The following ERBB2 variants were observed in gnomAD, a reference collection of about 807,000 sequenced individuals.
The protein encoded by ERBB2 is erb-b2 receptor tyrosine kinase 2.
In ERBB2, 61 loss-of-function variants were observed where a neutral mutation model predicts 149.0. That is an observed-to-expected ratio of 0.41 (90% CI 0.33 to 0.51). The LOEUF is 0.51. ERBB2 is among the 20% of genes least tolerant of loss of function. The probability of loss-of-function intolerance (pLI) is 0.25; values close to 1 mark genes in which losing one functional copy is unlikely to be tolerated. For missense variants in ERBB2, 1,205 were observed against 1,655.1 expected, an observed-to-expected ratio of 0.73 and a Z score of 4.72; for synonymous variants, 633 against 678.8, an observed-to-expected ratio of 0.93 and a Z score of 1.05.
upstream of ERBB2, among the ~76,000 whole-genome samples, chr17:39,697,678 A>C (rs1200941727): frequency 6.7e-6 from 1 of 150,130 alleles, no homozygotes; most frequent in Non-Finnish European, 1.5e-5. Context: ...TTTTCTGTTC[A>C]ATTCCTTTCT....
chr17:39,727,247 C>T lies in ERBB2; in HGVS notation c.3160-48C>T, dbSNP rs1441877751. 1 of 1,605,412 alleles carries T rather than the reference C, an allele frequency of 6.2e-7. No homozygotes were observed. The highest frequency in any genetic ancestry group is 1.7e-5 in the Admixed American group (1 of 57,870). On this transcript the variant is annotated intron_variant, in intron 25 of 26. Coordinates refer to ENST00000269571, the MANE Select transcript of ERBB2 (RefSeq NM_004448.4). This position sits in a 1 kb window ranked among gnomAD's most constrained non-coding sequence, Gnocchi z 4.3. The stretch of plus-strand genomic sequence containing the variant: ...CTGTCACCTTCCATGGAGTCCCCAT[C>T]CCAGATCCGTGAGTGACCCCCATCA...
rs1353432110 is a variant in ERBB2 at position 39,726,410 on chromosome 17, A to C, written c.2873-152A>C. 12 of 636,320 alleles carry C rather than the reference A, an allele frequency of 1.9e-5. No individual in the cohort carries two copies. Among genetic ancestry groups the C allele is most frequent in the Non-Finnish European group, 3.1e-5 (11 of 351,218 alleles). 39.4% of individuals were successfully genotyped at this position (636,320 alleles called of 1,614,324 possible). A position where few individuals can be genotyped will look rare whatever the true frequency, so the allele number is the denominator to read the frequency against. On this transcript the variant is annotated intron_variant, in intron 23 of 26. Coordinates refer to ENST00000269571, the MANE Select transcript of ERBB2 (RefSeq NM_004448.4). This position sits in a 1 kb window ranked among gnomAD's most constrained non-coding sequence, Gnocchi z 5.1. ...AAGAGATGCCAAAGGTTCTGGCTGA[A>C]GACCCCAGAGTCTGGTGCTACTTCT... is the stretch of plus-strand genomic sequence containing the variant.
At position 39,726,611 on chromosome 17, in the gene ERBB2, T is replaced by C. The variant is rs747628943; in HGVS notation, c.2922T>C (p.Ser974=). Reference sequence around the variant, plus strand: ...GGCCAAGATTCCGGGAGTTGGTGTCTGAATTCTCCCGCATGGCCAGGGACC... The same window carrying C: ...GGCCAAGATTCCGGGAGTTGGTGTCCGAATTCTCCCGCATGGCCAGGGACC... ...ECRPRFRELV[S]EFSRMARDPQ... Residue 974 remains serine, a synonymous_variant, in exon 24 of 27, where the codon TCT becomes TCC. Coordinates refer to ENST00000269571, the MANE Select transcript of ERBB2 (RefSeq NM_004448.4). This position sits in a 1 kb window ranked among gnomAD's most constrained non-coding sequence, Gnocchi z 5.1. The C allele has an allele frequency of 5.0e-6, 8 of 1,614,198 alleles. No individual in the cohort carries two copies. In the South Asian group the frequency reaches 8.8e-5, roughly 18 times the overall value.
In ERBB2 at chr17:39,708,544, A is replaced by G. The variant is rs2145448258; in HGVS notation, c.439+10A>G. 6.2e-7 allele frequency: 1 copy of G among 1,609,508 alleles called. No homozygotes were observed. Among genetic ancestry groups the G allele is most frequent in the Non-Finnish European group, 8.5e-7 (1 of 1,176,210 alleles). ...CTTCGAAGCCTCACAGGTGGCCTTC[A>G]CCGTCATTGAAACCTTCTCTTGGTT... On this transcript the variant is annotated intron_variant, in intron 3 of 26. Transcript: ENST00000269571.
At chr17:39,697,021 G>A (rs945738198), upstream of ERBB2, among the ~76,000 whole-genome samples, 1 of 152,188 alleles carries the variant, frequency 6.6e-6, no homozygotes, top group Non-Finnish European at 1.5e-5. Flanking sequence ...TGAGAGGCAG[G>A]TTGACCAGGT....
At chr17:39,718,725 G>A (rs559347753) in intron 15 of ERBB2, among the ~76,000 whole-genome samples, 2 of 152,122 alleles carry the variant, frequency 1.3e-5, no homozygotes, top group East Asian at 1.9e-4. Flanking sequence ...GAGTACAGAC[G>A]GATCTACCAC....
chr17:39,689,018 C>G (rs2057631079), intron 2 of ERBB2, among the ~76,000 whole-genome samples: 1 of 152,074 alleles, frequency 6.6e-6, no homozygotes, highest in South Asian at 2.1e-4. Flanking sequence ...CCATCAGCAC[C>G]GACCCACACC....
In ERBB2 at chr17:39,726,947, C is replaced by T. The variant is rs2143182382; in HGVS notation, c.3103C>T (p.Pro1035Ser). The change falls in exon 25 of 27, where the codon CCT becomes TCT. Residue 1035 changes from proline to serine, a missense_variant. Around this residue, in one of 6 missense-constraint regions of ERBB2, gnomAD observed 312 missense variants for 343.8 expected, o/e 0.91. Coordinates refer to ENST00000269571, the MANE Select transcript of ERBB2 (RefSeq NM_004448.4). This position sits in a 1 kb window ranked among gnomAD's most constrained non-coding sequence, Gnocchi z 5.1. ...VPQQGFFCPD[P>S]APGAGGMVHH... Reference sequence around the variant, plus strand: ...CCAGCAGGGCTTCTTCTGTCCAGACCCTGCCCCGGGCGCTGGGGGCATGGT... The same window carrying T: ...CCAGCAGGGCTTCTTCTGTCCAGACTCTGCCCCGGGCGCTGGGGGCATGGT... 6.2e-7 allele frequency: 1 copy of T among 1,613,062 alleles called. No homozygotes were observed. Among genetic ancestry groups the T allele is most frequent in the South Asian group, 1.1e-5 (1 of 91,024 alleles).
Position 39,726,530 on chromosome 17 carries a change from G to C in ERBB2, c.2873-32G>C, listed in dbSNP as rs1300260277. Reference sequence around the variant, plus strand: ...AGAGGCAGCAAGCACACAGGGCCTGGGACTAGCATGCTGACCTCCCTCCTG... The same window carrying C: ...AGAGGCAGCAAGCACACAGGGCCTGCGACTAGCATGCTGACCTCCCTCCTG... On this transcript the variant is annotated intron_variant, in intron 23 of 26. Coordinates refer to ENST00000269571, the MANE Select transcript of ERBB2 (RefSeq NM_004448.4). The surrounding 1 kb of genome is among the most constrained non-coding windows in gnomAD (Gnocchi z 5.1). 1 of 1,579,730 alleles carries C rather than the reference G, an allele frequency of 6.3e-7. No homozygotes were observed.
At chr17:39,710,261 C>A (rs2058719003) in intron 6 of ERBB2, 60 bp downstream of exon 6, 4 of 1,607,574 alleles carry the variant, frequency 2.5e-6, no homozygotes, top group Non-Finnish European at 3.4e-6. Context: ...GGGGTGGGCA[C>A]CCTGCCTGGT....
upstream of ERBB2, among the ~76,000 whole-genome samples, chr17:39,699,782 G>C (rs2057976750): frequency 6.6e-6 from 1 of 152,240 alleles, no homozygotes; most frequent in Non-Finnish European, 1.5e-5. Context: ...GGACTCCGGG[G>C]GAGGGGGCAG....
Position 39,727,015 on chromosome 17 carries a change from C to G in ERBB2, c.3159+12C>G, listed in dbSNP as rs775217720. ...GCTCATCTACCAGGGTCAGTGCCCTCGGTCACACTGTGTGGCTGTCTGCTT... is the reference window on the plus strand; with the variant it reads ...GCTCATCTACCAGGGTCAGTGCCCTGGGTCACACTGTGTGGCTGTCTGCTT... On this transcript the variant is annotated intron_variant, in intron 25 of 26. Transcript: ENST00000269571. This position sits in a 1 kb window ranked among gnomAD's most constrained non-coding sequence, Gnocchi z 4.3. 4.6e-5 allele frequency: 72 copies of G among 1,576,870 alleles called. 1 individual carries two copies. The highest frequency in any genetic ancestry group is 6.0e-5 in the Non-Finnish European group (70 of 1,163,450).
Position 39,727,067 on chromosome 17 carries a change from G to A in ERBB2, c.3159+64G>A, listed in dbSNP as rs2143201794. Reference sequence around the variant, plus strand: ...CCTCCCCCAACCCCGGTGGACTAGGGTCCCTTTCTCTGATGTTCCCTCAAC... The same window carrying A: ...CCTCCCCCAACCCCGGTGGACTAGGATCCCTTTCTCTGATGTTCCCTCAAC... On this transcript the variant is annotated intron_variant, in intron 25 of 26. Transcript: ENST00000269571. The surrounding 1 kb of genome is among the most constrained non-coding windows in gnomAD (Gnocchi z 4.3). 1 of 1,446,026 alleles carries A rather than the reference G, an allele frequency of 6.9e-7. No homozygotes were observed. The allele number at this position is 1,446,026 out of a possible 1,614,324, so 89.6% of individuals were successfully genotyped here. A position where few individuals can be genotyped will look rare whatever the true frequency, so the allele number is the denominator to read the frequency against.
chr17:39,697,280 A>G (rs941877578), upstream of ERBB2, among the ~76,000 whole-genome samples: 7 of 151,846 alleles, frequency 4.6e-5, no homozygotes, highest in African/African-American at 1.7e-4. Context: ...ATTTTACATT[A>G]TCACTCTGGA....
Position 39,725,516 on chromosome 17 carries a change from G to A in ERBB2, c.2725+114G>A. 7.9e-7 allele frequency: 1 copy of A among 1,267,680 alleles called. No individual in the cohort carries two copies. The highest frequency in any genetic ancestry group is 1.1e-6 in the Non-Finnish European group (1 of 890,414). The allele number at this position is 1,267,680 out of a possible 1,614,324, so 78.5% of individuals were successfully genotyped here. ...CCTCAGCATGTGAAGGGAGGGAAGGGGCTGCCTGTGCCCCACCTTGCAGGG... is the reference window on the plus strand; with the variant it reads ...CCTCAGCATGTGAAGGGAGGGAAGGAGCTGCCTGTGCCCCACCTTGCAGGG... On this transcript the variant is annotated intron_variant, in intron 22 of 26. Coordinates refer to ENST00000269571, the MANE Select transcript of ERBB2 (RefSeq NM_004448.4). This position sits in a 1 kb window ranked among gnomAD's most constrained non-coding sequence, Gnocchi z 4.6.
In ERBB2 at chr17:39,715,736, A is replaced by T. The variant is rs1280824097; in HGVS notation, c.1314-4A>T. ...GTGGTAAGGTGCCCACCTTTCTCCC[A>T]TAGTGGCGCCTACTCGCTGACCCTG... On this transcript the variant is annotated splice_polypyrimidine_tract_variant and splice_region_variant and intron_variant, in intron 11 of 26. Coordinates refer to ENST00000269571, the MANE Select transcript of ERBB2 (RefSeq NM_004448.4). The T allele has an allele frequency of 6.2e-7, 1 of 1,605,812 alleles. No homozygotes were observed. The highest frequency in any genetic ancestry group is 2.2e-5 in the East Asian group (1 of 44,880).
Position 39,723,639 on chromosome 17 carries a change from C to T in ERBB2, c.2187C>T (p.Gly729=), listed in dbSNP as rs2059569270. The T allele has an allele frequency of 6.2e-7, 1 of 1,604,470 alleles. No homozygotes were observed. The change falls in exon 18 of 27, where the codon GGC becomes GGT. Residue 729 remains glycine (G), a synonymous_variant. Coordinates refer to ENST00000269571, the MANE Select transcript of ERBB2 (RefSeq NM_004448.4). The surrounding 1 kb of genome is among the most constrained non-coding windows in gnomAD (Gnocchi z 6.2). ...GGAAGGTGAAGGTGCTTGGATCTGG[C>T]GCTTTTGGCACAGTCTACAAGGTCA... is the stretch of plus-strand genomic sequence containing the variant. ...ELRKVKVLGS[G]AFGTVYKGIW...
Position 39,727,439 on chromosome 17 carries a change from C to G in ERBB2, c.3304C>G (p.Pro1102Ala). 1 of 1,611,718 alleles carries G rather than the reference C, an allele frequency of 6.2e-7. No homozygotes were observed. Among genetic ancestry groups the G allele is most frequent in the Non-Finnish European group, 8.5e-7 (1 of 1,179,242 alleles). ...MGAAKGLQSL[P>A]THDPSPLQRY... ...GGCAGCCAAGGGGCTGCAAAGCCTCCCCACACATGACCCCAGCCCTCTACA... is the reference window on the plus strand; with the variant it reads ...GGCAGCCAAGGGGCTGCAAAGCCTCGCCACACATGACCCCAGCCCTCTACA... The change falls in exon 26 of 27, where the codon CCC becomes GCC. Residue 1102 changes from proline (P) to alanine (A), a missense_variant. Transcript: ENST00000269571. This position sits in a 1 kb window ranked among gnomAD's most constrained non-coding sequence, Gnocchi z 4.3.
At chr17:39,689,009 C>T (rs1351205519) in intron 2 of ERBB2, among the ~76,000 whole-genome samples, 1 of 152,202 alleles carries the variant, frequency 6.6e-6, no homozygotes, top group Non-Finnish European at 1.5e-5. Flanking sequence ...CCTGCACTCC[C>T]ATCAGCACCG....
Sources: allele counts gnomAD v4.1 joint callset (sites outside exome capture counted in the v4.1 genomes callset), GRCh38; gene constraint gnomAD v4.1.1; regional missense constraint gnomAD v4.1.1; non-coding constraint Gnocchi (gnomAD v3.1); transcripts MANE v1.5; gene names NCBI Gene and HGNC (gene_info 2026-07-23, HGNC 2026-07-21).